The following SNX27 variants were observed in gnomAD, a reference collection of about 807,000 sequenced individuals.
SNX27 encodes the protein sorting nexin-27.
Under a neutral mutation model 71.6 loss-of-function variants are expected in SNX27, and 22 were observed. That is an observed-to-expected ratio of 0.31 (90% CI 0.22 to 0.44). The LOEUF (loss-of-function observed/expected upper bound fraction) is 0.44, where lower values mean the gene tolerates loss of function less well. Among genes scored for constraint, SNX27 ranks in the 20% least tolerant of loss-of-function variants. The probability of loss-of-function intolerance (pLI) is 1.00; values close to 1 mark genes in which losing one functional copy is unlikely to be tolerated. For synonymous variants in SNX27, 269 were observed against 277.2 expected (o/e 0.97, Z 0.29); for missense variants, 531 against 698.6 (o/e 0.76, Z 2.70).
chr1:151,641,659 TCA>T (rs1571798015), intron 2 of SNX27, among the ~76,000 whole-genome samples: 1 of 134,588 alleles, frequency 7.4e-6, no homozygotes, highest in Admixed American at 7.7e-5. Context: ...ATCATATGTA[TCA>T]GATATATATA....
At chr1:151,688,527 G>C (rs1248156312) in intron 8 of SNX27, among the ~76,000 whole-genome samples, 1 of 151,588 alleles carries the variant, frequency 6.6e-6, no homozygotes, top group African/African-American at 2.4e-5. Context: ...AGCTACTCAG[G>C]AGGCTGAGGC....
intron 7 of SNX27, chr1:151,669,011 T>A (rs1420490384): frequency 6.4e-6 from 1 of 156,962 alleles, no homozygotes; most frequent in Admixed American, 6.5e-5. Flanking sequence ...TATTTCCATC[T>A]CCCCCCATAG....
chr1:151,662,372 A>G, intron 5 of SNX27, 102 bp downstream of exon 5: 1 of 638,466 alleles, frequency 1.6e-6, no homozygotes, highest in South Asian at 2.0e-5. Flanking sequence ...TGTCTGGCAC[A>G]TAATCCGTTT....
At chr1:151,669,592 T>C (rs1302298720) in intron 7 of SNX27, among the ~76,000 whole-genome samples, 1 of 152,234 alleles carries the variant, frequency 6.6e-6, no homozygotes, top group Non-Finnish European at 1.5e-5. Context: ...AGCTCTCTAC[T>C]GTGGTGCACA....
intron 1 of SNX27, among the ~76,000 whole-genome samples, chr1:151,623,431 C>A (rs555295499): frequency 6.6e-6 from 1 of 151,972 alleles, no homozygotes; most frequent in Non-Finnish European, 1.5e-5. Context: ...TGAGCCACCG[C>A]GCCCAGTATT....
intron 8 of SNX27, among the ~76,000 whole-genome samples, 172 bp downstream of exon 8, chr1:151,683,617 A>T (rs1050421838): frequency 6.6e-6 from 1 of 151,816 alleles, no homozygotes; most frequent in East Asian, 1.9e-4. Context: ...CATTTAACAC[A>T]CAAAGATCTT....
rs143139957 is a variant in SNX27, at chr1:151,621,737, T to G, written c.311+9225T>G. On this transcript the variant is annotated intron_variant, in intron 1 of 11. Transcript: ENST00000458013. ...ATCTATGTGTTGATCTAGTTTTATT[T>G]ATATTTATTTATTATGTTTTAAAAA... Among the ~76,000 whole-genome samples the G allele has an allele frequency of 7.6e-4, 116 of 152,376 alleles. 2 individuals carry two copies. In the East Asian group the frequency reaches 0.015, roughly 19 times the overall value.
intron 2 of SNX27, among the ~76,000 whole-genome samples, chr1:151,643,264 T>TTTTTTTTATTTA (rs1425028915): frequency 2.2e-5 from 3 of 139,110 alleles, no homozygotes; most frequent in Admixed American, 7.4e-5. Flanking sequence ...ACGCCTGGCC[T>TTTTTTTTATTTA]TTTATTTATT....
chr1:151,633,185 G>A (rs1301058032), intron 1 of SNX27, among the ~76,000 whole-genome samples: 1 of 152,102 alleles, frequency 6.6e-6, no homozygotes, highest in African/African-American at 2.4e-5. Flanking sequence ...AAACTTTACT[G>A]AGGCTTAATT....
At chr1:151,682,576 C>T (rs1671016463) in intron 7 of SNX27, among the ~76,000 whole-genome samples, 1 of 152,246 alleles carries the variant, frequency 6.6e-6, no homozygotes, top group South Asian at 2.1e-4. Flanking sequence ...CCGCCTCAGC[C>T]TCCCAAAGTG....
intron 2 of SNX27, among the ~76,000 whole-genome samples, chr1:151,649,720 A>G (rs537974185): frequency 3.2e-4 from 49 of 152,192 alleles, no homozygotes; most frequent in Non-Finnish European, 6.2e-4. Context: ...CTTTTTAAAA[A>G]ACAGAGACAG....
chr1:151,673,648 TTA>T (rs879557596), intron 7 of SNX27, among the ~76,000 whole-genome samples: 10 of 152,220 alleles, frequency 6.6e-5, no homozygotes, highest in Admixed American at 1.3e-4. Context: ...TATTACTGTA[TTA>T]GAGTCTGTCT....
intron 5 of SNX27, 133 bp downstream of exon 5, chr1:151,662,403 G>T: frequency 3.8e-6 from 2 of 520,890 alleles, no homozygotes; most frequent in Non-Finnish European, 6.9e-6. Context: ...AGCTACTATT[G>T]TTATTATTAA....
chr1:151,666,039 T>C, intron 6 of SNX27, 28 bp downstream of exon 6: 1 of 1,568,006 alleles, frequency 6.4e-7, no homozygotes, highest in Admixed American at 1.7e-5. Context: ...ATACTAAGTT[T>C]TGTTTTCTAA....
intron 5 of SNX27, among the ~76,000 whole-genome samples, chr1:151,665,381 A>G (rs1185468284): frequency 6.6e-6 from 1 of 152,190 alleles, no homozygotes; most frequent in Non-Finnish European, 1.5e-5. Flanking sequence ...GGAGGTGCCT[A>G]ATGATCCCAA....
intron 1 of SNX27, among the ~76,000 whole-genome samples, chr1:151,622,852 G>T (rs1028682535): frequency 3.9e-5 from 6 of 151,998 alleles, no homozygotes; most frequent in South Asian, 4.2e-4. Flanking sequence ...GTAGTGGTGC[G>T]ATCACAGCTT....
rs1410518310 is a variant in SNX27, at chr1:151,694,417, G to A, written c.1626G>A (p.Ter542=). 10 of 1,549,814 alleles carry A rather than the reference G, an allele frequency of 6.5e-6. No homozygotes were observed. In the East Asian group the frequency reaches 2.0e-4, roughly 30 times the overall value. The change falls in exon 12 of 12, where the codon TAG becomes TAA. Residue 542 remains the stop codon, a stop_retained_variant. Coordinates refer to ENST00000458013, the MANE Select transcript of SNX27 (RefSeq NM_001330723.2). ...ARSQQRDVAT[*] Reference sequence around the variant, plus strand: ...CACAGCAGAGAGATGTGGCCACCTAGCCTTTCCTTATCCCCTTCCCTTCCC... The same window carrying A: ...CACAGCAGAGAGATGTGGCCACCTAACCTTTCCTTATCCCCTTCCCTTCCC...
chr1:151,667,105 T>C (rs1201336092), intron 6 of SNX27: 2 of 151,746 alleles, frequency 1.3e-5, no homozygotes, highest in Non-Finnish European at 2.9e-5. Flanking sequence ...TTTTAAAAAT[T>C]AGCCAAGCAT....
At chr1:151,621,112 A>G (rs937274259) in intron 1 of SNX27, among the ~76,000 whole-genome samples, 2 of 152,354 alleles carry the variant, frequency 1.3e-5, no homozygotes, top group African/African-American at 4.8e-5. Context: ...CCTACCTTCA[A>G]AATGAAAATT....
Sources: allele counts gnomAD v4.1 joint callset (sites outside exome capture counted in the v4.1 genomes callset), GRCh38; gene constraint gnomAD v4.1.1; transcripts MANE v1.5; gene names NCBI Gene and HGNC (gene_info 2026-07-23, HGNC 2026-07-21).